Variants in TXNDC9 observed in about 807,000 individuals in gnomAD.
The protein encoded by TXNDC9 is thioredoxin domain-containing protein 9.
TXNDC9 carries 7 observed loss-of-function variants against 23.0 expected under a neutral mutation model. The observed-to-expected ratio is 0.30, with a 90% confidence interval of 0.17 to 0.57. The LOEUF (loss-of-function observed/expected upper bound fraction) is 0.57, where lower values mean the gene tolerates loss of function less well. Ranked by LOEUF, TXNDC9 falls within the 20% of genes least tolerant of loss-of-function variation. The probability of loss-of-function intolerance (pLI) is 0.90; values close to 1 mark genes in which losing one functional copy is unlikely to be tolerated. For missense variants in TXNDC9, 198 were observed against 252.6 expected (o/e 0.78, Z 1.47); for synonymous variants, 72 against 90.6 (o/e 0.79, Z 1.17).
chr2:99,313,143 CAA>C, the TXNDC9 span, among the ~76,000 whole-genome samples: 1 of 152,032 alleles, frequency 6.6e-6, no homozygotes, highest in African/African-American at 2.4e-5. Flanking sequence ...GCCTGGACAA[CAA>C]GAGCGAAACT....
chr2:99,331,192 T>C (rs1028150984), intron 2 of TXNDC9, among the ~76,000 whole-genome samples: 4 of 152,196 alleles, frequency 2.6e-5, no homozygotes, highest in Non-Finnish European at 5.9e-5. Context: ...CTATGAAATA[T>C]GAGTTTGTGG....
rs751602309 is a variant in TXNDC9, at chr2:99,319,802, T to TAA, written c.564-5_564-4dup. On this transcript the variant is annotated splice_region_variant and splice_polypyrimidine_tract_variant and intron_variant, in intron 4 of 4. Coordinates refer to ENST00000264255, the MANE Select transcript of TXNDC9 (RefSeq NM_005783.4). Reference sequence around the variant, plus strand: ...ATGGTGGCTCCATTAAATTTCCACTTAAAAAAAAAAAAAAGCATTTTATTC... The same window carrying TAA: ...ATGGTGGCTCCATTAAATTTCCACTTAAAAAAAAAAAAAAAAGCATTTTATTC... The TAA allele has an allele frequency of 3.0e-4, 391 of 1,318,476 alleles. No individual in the cohort carries two copies. The highest frequency in any genetic ancestry group is 3.6e-4 in the Non-Finnish European group (344 of 962,812). The allele number at this position is 1,318,476 out of a possible 1,614,324, so 81.7% of individuals were successfully genotyped here.
chr2:99,311,217 G>A, the TXNDC9 span, among the ~76,000 whole-genome samples: 5 of 152,076 alleles, frequency 3.3e-5, no homozygotes, highest in African/African-American at 1.2e-4. Context: ...TTTCCAACTG[G>A]TCTTCTGACA....
At chr2:99,321,914 T>A (rs370578892) in intron 4 of TXNDC9, 41 bp downstream of exon 4, 1 of 1,536,012 alleles carries the variant, frequency 6.5e-7, no homozygotes, top group Non-Finnish European at 8.8e-7. Context: ...ATATCAACTA[T>A]ATATGAATTA....
intron 1 of TXNDC9, among the ~76,000 whole-genome samples, chr2:99,333,699 G>A (rs186239873): frequency 2.0e-5 from 3 of 152,304 alleles, no homozygotes; most frequent in Non-Finnish European, 4.4e-5. Flanking sequence ...TAAACACAGA[G>A]TACAGTTGAG....
intron 2 of TXNDC9, among the ~76,000 whole-genome samples, chr2:99,328,430 G>T (rs1243029635): frequency 6.6e-6 from 1 of 152,084 alleles, no homozygotes; most frequent in African/African-American, 2.4e-5. Context: ...ATGTTTTTTA[G>T]CAATTTACTT....
Position 99,321,879 on chromosome 2 carries a change from T to C in TXNDC9, c.563+76A>G, listed in dbSNP as rs578088897. 2.2e-6 allele frequency: 3 copies of C among 1,393,332 alleles called. No homozygotes were observed. The African/African-American group carries it at 4.4e-5, about 20-fold the overall frequency. The allele number at this position is 1,393,332 out of a possible 1,614,324, so 86.3% of individuals were successfully genotyped here. Reference sequence around the variant, plus strand: ...TGCCTTAATTTCATAAAATAAATGTTACAATACAAAAATCTTTTGTAAAAA... The same window carrying C: ...TGCCTTAATTTCATAAAATAAATGTCACAATACAAAAATCTTTTGTAAAAA... On this transcript the variant is annotated intron_variant, in intron 4 of 4. Coordinates refer to ENST00000264255, the MANE Select transcript of TXNDC9 (RefSeq NM_005783.4).
chr2:99,312,002 AAGT>A, the TXNDC9 span, among the ~76,000 whole-genome samples: 3 of 152,174 alleles, frequency 2.0e-5, no homozygotes, highest in Non-Finnish European at 2.9e-5. Flanking sequence ...TGAAGGCCAT[AAGT>A]TGTTTGTTTG....
chr2:99,335,995 C>T (rs1421982422), intron 1 of TXNDC9, among the ~76,000 whole-genome samples: 1 of 152,224 alleles, frequency 6.6e-6, no homozygotes, highest in East Asian at 1.9e-4. Flanking sequence ...TGGTCCTTAA[C>T]TGAACCCCAG....
Position 99,333,141 on chromosome 2 carries a change from G to C in TXNDC9, c.70C>G (p.Leu24Val). 1 of 1,614,128 alleles carries C rather than the reference G, an allele frequency of 6.2e-7. No individual in the cohort carries two copies. Among genetic ancestry groups the C allele is most frequent in the African/African-American group, 1.3e-5 (1 of 75,030 alleles). The change falls in exon 2 of 5, where the codon CTG becomes GTG. Residue 24 changes from leucine to valine, a missense_variant. Physicochemically the swap from Leu to Val is conservative, Grantham distance 32. Transcript: ENST00000264255. Reference protein sequence around the residue: ...LEHQLLQTTKLVEEHLDSEIQ... With the variant: ...LEHQLLQTTKVVEEHLDSEIQ... ...TCAGAATCCAAATGTTCTTCCACCAGTTTGGTAGTCTGAAGCAGCTGATGC... is the reference window on the plus strand; with the variant it reads ...TCAGAATCCAAATGTTCTTCCACCACTTTGGTAGTCTGAAGCAGCTGATGC...
intron 3 of TXNDC9, among the ~76,000 whole-genome samples, chr2:99,327,040 CT>C (rs761083907): frequency 1.4e-4 from 21 of 152,020 alleles, no homozygotes; most frequent in Non-Finnish European, 2.2e-4. Context: ...TGTAACTGTT[CT>C]TTAAGTTACT....
the TXNDC9 span, among the ~76,000 whole-genome samples, chr2:99,311,977 A>G: frequency 6.6e-6 from 1 of 152,154 alleles, no homozygotes; most frequent in Non-Finnish European, 1.5e-5. Flanking sequence ...ATACACATTT[A>G]ATCAGACAGT....
In TXNDC9 at chr2:99,327,540, T is replaced by C; in HGVS notation, c.303A>G (p.Thr101=). Reference sequence around the variant, plus strand: ...ACAGATGGAAACAAAGTTACCTGAATGTGGAGTCTCTGTAGAAATGGCAAA... The same window carrying C: ...ACAGATGGAAACAAAGTTACCTGAACGTGGAGTCTCTGTAGAAATGGCAAA... ...NVVCHFYRDS[T]FRCKILDRHL... is the part of the protein sequence containing the mutation. Residue 101 remains threonine, a synonymous_variant, in exon 3 of 5, where the codon ACA becomes ACG. Coordinates refer to ENST00000264255, the MANE Select transcript of TXNDC9 (RefSeq NM_005783.4). 2 of 1,607,028 alleles carry C rather than the reference T, an allele frequency of 1.2e-6. No individual in the cohort carries two copies. Among genetic ancestry groups the C allele is most frequent in the African/African-American group, 2.7e-5 (2 of 74,852 alleles).
At chr2:99,313,196 AAAAC>A in the TXNDC9 span, among the ~76,000 whole-genome samples, 42 of 151,838 alleles carry the variant, frequency 2.8e-4, no homozygotes, top group Non-Finnish European at 3.7e-4. Flanking sequence ...CAACAACAAT[AAAAC>A]AAACAAAACT....
intron 3 of TXNDC9, among the ~76,000 whole-genome samples, chr2:99,325,132 ATAAT>A (rs1231716143): frequency 2.6e-5 from 4 of 152,382 alleles, no homozygotes; most frequent in Admixed American, 2.6e-4. Context: ...CTAAAAGAGC[ATAAT>A]TAGATTGTTT....
chr2:99,334,564 A>G (rs147931947), intron 1 of TXNDC9, among the ~76,000 whole-genome samples: 23 of 152,368 alleles, frequency 1.5e-4, no homozygotes, highest in Non-Finnish European at 2.8e-4. Flanking sequence ...ACTGCAGACA[A>G]CTGTAACATA....
the TXNDC9 span, among the ~76,000 whole-genome samples, chr2:99,310,925 G>A: frequency 2.0e-5 from 3 of 152,264 alleles, no homozygotes; most frequent in African/African-American, 7.2e-5. Flanking sequence ...TCTTTTCTCC[G>A]TTCCTTCCTG....
At position 99,327,135 on chromosome 2, in the gene TXNDC9, C is replaced by T. The variant is rs186596307; in HGVS notation, c.308+400G>A. Among the ~76,000 whole-genome samples the T allele has an allele frequency of 1.9e-4, 29 of 152,168 alleles. No homozygotes were observed. In the East Asian group the frequency reaches 4.3e-3, roughly 22 times the overall value. On this transcript the variant is annotated intron_variant, in intron 3 of 4. Coordinates refer to ENST00000264255, the MANE Select transcript of TXNDC9 (RefSeq NM_005783.4). ...TCGCTCGAGCTGAAGTGCAGTGTCGCGATCTCCGCTCACTGCAACCTCTGT... is the reference window on the plus strand; with the variant it reads ...TCGCTCGAGCTGAAGTGCAGTGTCGTGATCTCCGCTCACTGCAACCTCTGT...
At chr2:99,330,942 T>C (rs556493991) in intron 2 of TXNDC9, among the ~76,000 whole-genome samples, 3 of 152,362 alleles carry the variant, frequency 2.0e-5, no homozygotes, top group East Asian at 3.9e-4. Flanking sequence ...AATTACTCGA[T>C]GACAAATTCA....
Sources: gnomAD v4.1 joint callset for allele counts (sites outside exome capture counted in the v4.1 genomes callset) on GRCh38, gnomAD v4.1.1 for gene constraint, MANE v1.5 for transcripts, NCBI Gene and HGNC (gene_info 2026-07-23, HGNC 2026-07-21) for gene names.